CDC42SE2: variants seen among roughly 807,000 people sequenced by gnomAD.
The protein encoded by CDC42SE2 is CDC42 small effector 2, also known as CDC42 small effector protein 2.
Under a neutral mutation model 11.5 loss-of-function variants are expected in CDC42SE2, and 3 were observed. The observed-to-expected ratio is 0.26, with a 90% CI of 0.12 to 0.67. The LOEUF (loss-of-function observed/expected upper bound fraction) is 0.67, where lower values mean the gene tolerates loss of function less well. CDC42SE2 is among the 30% of genes least tolerant of loss of function. The pLI, the probability that CDC42SE2 is intolerant of heterozygous loss-of-function variation, is 0.80. For missense variants in CDC42SE2, 82 were observed against 106.8 expected, an observed-to-expected ratio of 0.77 and a Z score of 1.02; for synonymous variants, 33 against 34.8, an observed-to-expected ratio of 0.95 and a Z score of 0.18.
intron 1 of CDC42SE2, among the ~76,000 whole-genome samples, chr5:131,288,209 G>A (rs1239892548): frequency 2.6e-5 from 4 of 151,602 alleles, no homozygotes; most frequent in Non-Finnish European, 2.9e-5. Context: ...GGGTGACAGA[G>A]GGAGACCCTG....
At chr5:131,320,388 T>C (rs1561583750) in intron 2 of CDC42SE2, among the ~76,000 whole-genome samples, 1 of 150,444 alleles carries the variant, frequency 6.6e-6, no homozygotes, top group Non-Finnish European at 1.5e-5. Context: ...CGAGACTCTG[T>C]CTCAAAAAAT....
At chr5:131,252,473 G>T (rs1008602215) in intron 1 of CDC42SE2, among the ~76,000 whole-genome samples, 3 of 152,176 alleles carry the variant, frequency 2.0e-5, no homozygotes, top group African/African-American at 7.2e-5. Flanking sequence ...GGCCTACATG[G>T]TGAAACCCCG....
rs145053980 is a variant in CDC42SE2 at position 131,343,225 on chromosome 5, G to A, written c.-285-15984G>A. ...ACAAGTTTGCCTATATTGGTTTGAG[G>A]TGCCAGGAGACTGCAAGAGATGCTT... On this transcript the variant is annotated intron_variant, in intron 2 of 4. Coordinates refer to ENST00000505065, the MANE Select transcript of CDC42SE2 (RefSeq NM_001375635.1). Among the ~76,000 whole-genome samples the A allele has an allele frequency of 2.0e-5, 3 of 151,992 alleles. No homozygotes were observed. In the East Asian group the frequency reaches 5.8e-4, roughly 30 times the overall value.
chr5:131,299,195 G>A (rs1044452984), intron 1 of CDC42SE2, among the ~76,000 whole-genome samples: 4 of 152,182 alleles, frequency 2.6e-5, no homozygotes, highest in Non-Finnish European at 2.9e-5. Context: ...CTTTCCTGAG[G>A]ATAATAGTCA....
intron 3 of CDC42SE2, among the ~76,000 whole-genome samples, chr5:131,369,420 T>C (rs191533461): frequency 1.3e-5 from 2 of 152,316 alleles, no homozygotes; most frequent in Admixed American, 1.3e-4. Context: ...GCCCAAGTTT[T>C]TCTAGGGTAT....
intron 4 of CDC42SE2, among the ~76,000 whole-genome samples, chr5:131,389,774 C>G (rs1403706667): frequency 6.6e-6 from 1 of 152,118 alleles, no homozygotes; most frequent in Non-Finnish European, 1.5e-5. Context: ...TGGAAGTGTG[C>G]AGGGCCCTTT....
intron 1 of CDC42SE2, among the ~76,000 whole-genome samples, chr5:131,306,685 T>C (rs1402057129): frequency 6.6e-6 from 1 of 152,182 alleles, no homozygotes; most frequent in Non-Finnish European, 1.5e-5. Context: ...TTGGGTATTG[T>C]AGGCATTTTA....
chr5:131,297,740 G>A (rs973757269), intron 1 of CDC42SE2, among the ~76,000 whole-genome samples: 1 of 150,138 alleles, frequency 6.7e-6, no homozygotes, highest in East Asian at 1.9e-4. Flanking sequence ...AAATAAATAA[G>A]TAAATAAAAA....
chr5:131,358,645 G>T (rs1037569651), intron 2 of CDC42SE2, among the ~76,000 whole-genome samples: 2 of 152,116 alleles, frequency 1.3e-5, no homozygotes, highest in Non-Finnish European at 2.9e-5. Context: ...GGTGGGAGTG[G>T]TAGGGATCTA....
At chr5:131,310,580 C>CT (rs1402911023) in intron 1 of CDC42SE2, among the ~76,000 whole-genome samples, 1 of 151,278 alleles carries the variant, frequency 6.6e-6, no homozygotes, top group African/African-American at 2.4e-5. Flanking sequence ...GTGTGGGAGT[C>CT]TAAGTCTCTT....
intron 2 of CDC42SE2, among the ~76,000 whole-genome samples, chr5:131,356,826 T>C (rs1749562619): frequency 6.6e-6 from 1 of 152,162 alleles, no homozygotes; most frequent in African/African-American, 2.4e-5. Context: ...GAGGATCACC[T>C]GAGCTCAGAA....
intron 4 of CDC42SE2, among the ~76,000 whole-genome samples, chr5:131,388,919 A>AC (rs1750569762): frequency 6.6e-6 from 1 of 152,102 alleles, no homozygotes; most frequent in Non-Finnish European, 1.5e-5. Flanking sequence ...TGCAGCCTTG[A>AC]CCGCCTAGGC....
chr5:131,276,873 A>G (rs1198553256), intron 1 of CDC42SE2, among the ~76,000 whole-genome samples: 1 of 151,906 alleles, frequency 6.6e-6, no homozygotes, highest in Non-Finnish European at 1.5e-5. Context: ...GATTACAGGC[A>G]TGCACCATCA....
At chr5:131,220,884 CTTT>C in the CDC42SE2 span, among the ~76,000 whole-genome samples, 1 of 129,018 alleles carries the variant, frequency 7.8e-6, no homozygotes, top group Non-Finnish European at 1.6e-5. Flanking sequence ...CACCAGAAAC[CTTT>C]TTTTTTTTTT....
chr5:131,252,468 A>C (rs1356298782), intron 1 of CDC42SE2, among the ~76,000 whole-genome samples: 1 of 152,176 alleles, frequency 6.6e-6, no homozygotes, highest in Admixed American at 6.5e-5. Context: ...AGGCTGGCCT[A>C]CATGGTGAAA....
At chr5:131,310,586 C>T (rs1252060265) in intron 1 of CDC42SE2, among the ~76,000 whole-genome samples, 1 of 151,378 alleles carries the variant, frequency 6.6e-6, no homozygotes, top group Non-Finnish European at 1.5e-5. Flanking sequence ...GAGTCTAAGT[C>T]TCTTTGTAGG....
chr5:131,348,822 C>T (rs185055004), intron 2 of CDC42SE2, among the ~76,000 whole-genome samples: 5 of 150,184 alleles, frequency 3.3e-5, no homozygotes, highest in East Asian at 2.0e-4. Context: ...GAAGAGCCCC[C>T]GGAAATAATA....
intron 1 of CDC42SE2, among the ~76,000 whole-genome samples, chr5:131,288,780 T>C (rs1757392477): frequency 6.6e-6 from 1 of 152,214 alleles, no homozygotes; most frequent in African/African-American, 2.4e-5. Context: ...ACCTACTGAC[T>C]ACTTTGGCAA....
chr5:131,391,166 AGT>A lies in CDC42SE2; in HGVS notation c.*76_*77del, dbSNP rs1750640486. 1.2e-6 allele frequency: 1 copy of A among 830,644 alleles called. No homozygotes were observed. Among genetic ancestry groups the A allele is most frequent in the Non-Finnish European group, 1.9e-6 (1 of 533,522 alleles). The allele number at this position is 830,644 out of a possible 1,614,324, so 51.5% of individuals were successfully genotyped here. A position where few individuals can be genotyped will look rare whatever the true frequency, so the allele number is the denominator to read the frequency against. ...GGCCAGACATGGCCAGGCCAATAAT[AGT>A]AAATATATGTATATATATATAATTT... On this transcript the variant is annotated 3_prime_UTR_variant, in exon 5 of 5. Transcript: ENST00000505065.
Sources: allele counts gnomAD v4.1 joint callset (sites outside exome capture counted in the v4.1 genomes callset), GRCh38; gene constraint gnomAD v4.1.1; transcripts MANE v1.5; gene names NCBI Gene and HGNC (gene_info 2026-07-23, HGNC 2026-07-21).